The following NARF variants were observed in gnomAD, a reference collection of about 807,000 sequenced individuals.
NARF encodes the protein iron-only hydrogenase-like protein 2.
In NARF, 41 loss-of-function variants were observed where a neutral mutation model predicts 48.0. That is an observed-to-expected ratio of 0.85 (90% CI 0.66 to 1.11). The LOEUF is 1.11. Among genes scored for constraint, NARF ranks in the 50% least tolerant of loss-of-function variants. NARF has a pLI of 0.00. For synonymous variants in NARF, 215 were observed against 225.5 expected (o/e 0.95, Z 0.42); for missense variants, 613 against 590.2 (o/e 1.04, Z -0.40).
At chr17:82,473,402 C>CT (rs948466932) in intron 5 of NARF, among the ~76,000 whole-genome samples, 88 of 142,236 alleles carry the variant, frequency 6.2e-4, no homozygotes, top group Middle Eastern at 3.8e-3. Flanking sequence ...TCAAGCGATT[C>CT]TTTTTTTTTT....
intron 5 of NARF, chr17:82,478,474 C>G (rs2043884200): frequency 2.3e-6 from 1 of 442,754 alleles, no homozygotes; most frequent in Admixed American, 2.4e-5. Context: ...CACGGTGCAG[C>G]CTGGGCCGCT....
At chr17:82,458,678 G>A, upstream of NARF, 2 of 1,292,066 alleles carry the variant, frequency 1.5e-6, no homozygotes, top group South Asian at 3.5e-5. Flanking sequence ...GCCGAGCGCG[G>A]CCGTTGGGGG....
intron 7 of NARF, 67 bp from the exon 8 acceptor site, chr17:82,483,649 C>T (rs1401075043): frequency 6.7e-7 from 1 of 1,485,248 alleles, no homozygotes; most frequent in Non-Finnish European, 9.4e-7. Flanking sequence ...GTCAAATCTC[C>T]TGCAGGGGAA....
intron 3 of NARF, 154 bp from the exon 4 acceptor site, chr17:82,468,607 TCTC>T (rs2043625499): frequency 1.4e-6 from 1 of 696,352 alleles, no homozygotes; most frequent in Non-Finnish European, 2.3e-6. Flanking sequence ...TGATTTTTTT[TCTC>T]CTTTTTCTTA....
In NARF at chr17:82,472,612, T is replaced by G. The variant is rs570995694; in HGVS notation, c.434T>G (p.Leu145Arg). 1 of 1,613,746 alleles carries G rather than the reference T, an allele frequency of 6.2e-7. No individual in the cohort carries two copies. Among genetic ancestry groups the G allele is most frequent in the Non-Finnish European group, 8.5e-7 (1 of 1,179,844 alleles). ...ACGATAGCTGCGGATTTTAGTATCCTGGAGAGTCAAAAAGAATTCGTGCGT... is the reference window on the plus strand; with the variant it reads ...ACGATAGCTGCGGATTTTAGTATCCGGGAGAGTCAAAAAGAATTCGTGCGT... ...DTTIAADFSI[L>R]ESQKEFVRRY... Residue 145 changes from leucine (L) to arginine (R), a missense_variant, in exon 5 of 11, where the codon CTG becomes CGG. Physicochemically the swap from Leu to Arg is moderately radical, Grantham distance 102. Coordinates refer to ENST00000309794, the MANE Select transcript of NARF (RefSeq NM_012336.4).
Position 82,488,853 on chromosome 17 carries a change from T to G in NARF, c.*696T>G, listed in dbSNP as rs1185516315. The G allele has an allele frequency of 2.0e-5, 3 of 152,438 alleles. No homozygotes were observed. The highest frequency in any genetic ancestry group is 2.9e-5 in the Non-Finnish European group (2 of 68,258). 9.4% of individuals were successfully genotyped at this position (152,438 alleles called of 1,614,324 possible). A position where few individuals can be genotyped will look rare whatever the true frequency, so the allele number is the denominator to read the frequency against. On this transcript the variant is annotated 3_prime_UTR_variant, in exon 11 of 11. Transcript: ENST00000309794. ...CCCAGAGGTTCTAATGCACATGACTTGAAGGTGATTTGATGTGGGAGTGAG... is the reference window on the plus strand; with the variant it reads ...CCCAGAGGTTCTAATGCACATGACTGGAAGGTGATTTGATGTGGGAGTGAG...
chr17:82,469,592 G>GTTGT lies in NARF; in HGVS notation c.385+719_385+722dup, dbSNP rs567739106. ...AGTTGCCAAATAAGAGGTTTTTTTT[G>GTTGT]TTGTTTGTTTGTTTGTTTGTTTGTT... On this transcript the variant is annotated intron_variant, in intron 4 of 10. Coordinates refer to ENST00000309794, the MANE Select transcript of NARF (RefSeq NM_012336.4). Among the ~76,000 whole-genome samples, 505 of 151,842 alleles carry GTTGT rather than the reference G, an allele frequency of 3.3e-3. 3 individuals are homozygous for GTTGT. The highest frequency in any genetic ancestry group is 6.8e-3 in the Middle Eastern group (2 of 294).
At chr17:82,472,495 AAAAG>A (rs2043733147) in intron 4 of NARF, 65 bp from the exon 5 acceptor site, 4 of 1,498,844 alleles carry the variant, frequency 2.7e-6, no homozygotes, top group Admixed American at 4.6e-5. Context: ...AAAAAAAAAA[AAAAG>A]AGGAAGCCTA....
intron 9 of NARF, 48 bp from the exon 10 acceptor site, chr17:82,485,449 A>G (rs772896432): frequency 1.9e-6 from 3 of 1,586,250 alleles, no homozygotes; most frequent in East Asian, 4.5e-5. Context: ...TTCTTAAGTC[A>G]CAGATAAAGG....
chr17:82,483,878 G>T lies in NARF; in HGVS notation c.833+99G>T, dbSNP rs2044032331. On this transcript the variant is annotated intron_variant, in intron 8 of 10. Transcript: ENST00000309794. Reference sequence around the variant, plus strand: ...CCAGGGCTGCCCTGCTTTATGACGAGGCCATGTGAAGCACTGCGATGCAGT... The same window carrying T: ...CCAGGGCTGCCCTGCTTTATGACGATGCCATGTGAAGCACTGCGATGCAGT... The T allele has an allele frequency of 5.2e-6, 6 of 1,152,268 alleles. No homozygotes were observed. The East Asian group carries it at 1.2e-4, about 23-fold the overall frequency. The allele number at this position is 1,152,268 out of a possible 1,614,324, so 71.4% of individuals were successfully genotyped here.
At chr17:82,487,199 C>T (rs1354347511) in intron 10 of NARF, among the ~76,000 whole-genome samples, 1 of 152,066 alleles carries the variant, frequency 6.6e-6, no homozygotes, top group Non-Finnish European at 1.5e-5. Flanking sequence ...GAGAGGCACA[C>T]GGGTCCAGGC....
At position 82,480,979 on chromosome 17, in the gene NARF, C is replaced by G. The variant is rs1243957322; in HGVS notation, c.640-103C>G. The G allele has an allele frequency of 6.3e-6, 9 of 1,431,668 alleles. No homozygotes were observed. The East Asian group carries it at 2.1e-4, about 33-fold the overall frequency. 88.7% of individuals were successfully genotyped at this position (1,431,668 alleles called of 1,614,324 possible). Reference sequence around the variant, plus strand: ...GCAGCATGCAGTGTCTGGAGGGCAGCAGCAGGGGGCATTCGGTCTCCCATC... The same window carrying G: ...GCAGCATGCAGTGTCTGGAGGGCAGGAGCAGGGGGCATTCGGTCTCCCATC... On this transcript the variant is annotated intron_variant, in intron 6 of 10. Coordinates refer to ENST00000309794, the MANE Select transcript of NARF (RefSeq NM_012336.4).
chr17:82,480,772 A>C, intron 6 of NARF: 1 of 505,234 alleles, frequency 2.0e-6, no homozygotes, highest in Non-Finnish European at 3.5e-6. Flanking sequence ...TCTCTACTAA[A>C]GTACAAAAAA....
intron 4 of NARF, among the ~76,000 whole-genome samples, chr17:82,472,329 C>T (rs1017266559): frequency 9.2e-5 from 14 of 151,858 alleles, no homozygotes; most frequent in Admixed American, 1.3e-4. Context: ...CTAAAAAATA[C>T]AAAAATTGGC....
chr17:82,480,670 C>A, intron 6 of NARF: 1 of 435,824 alleles, frequency 2.3e-6, no homozygotes. Flanking sequence ...CGATGGCTCA[C>A]GCCTGTAATT....
At chr17:82,476,030 C>A (rs2043824518) in intron 5 of NARF, among the ~76,000 whole-genome samples, 1 of 152,074 alleles carries the variant, frequency 6.6e-6, no homozygotes, top group Non-Finnish European at 1.5e-5. Flanking sequence ...TTTATTGAGA[C>A]AGAGTCTCGC....
At chr17:82,480,312 C>G in intron 6 of NARF, 1 of 399,210 alleles carries the variant, frequency 2.5e-6, no homozygotes. Context: ...CACACACACA[C>G]TCACTCAGGC....
chr17:82,484,089 C>T, intron 8 of NARF: 1 of 279,820 alleles, frequency 3.6e-6, no homozygotes, highest in Non-Finnish European at 6.8e-6. Flanking sequence ...TTCATGTGTG[C>T]ACCAGCCCCC....
chr17:82,472,763 G>A (rs1044706760), intron 5 of NARF, 65 bp downstream of exon 5: 1 of 1,553,456 alleles, frequency 6.4e-7, no homozygotes, highest in Non-Finnish European at 8.7e-7. Context: ...AGATTCTGCA[G>A]GCTCTAGATG....
Sources: allele counts gnomAD v4.1 joint callset (sites outside exome capture counted in the v4.1 genomes callset), GRCh38; gene constraint gnomAD v4.1.1; transcripts MANE v1.5; gene names NCBI Gene and HGNC (gene_info 2026-07-23, HGNC 2026-07-21).